The following PGCKA1 variants were observed in gnomAD, a reference collection of about 807,000 sequenced individuals.
PGCKA1 encodes PDCD10 and GCKIII kinases-associated protein 1.
the PGCKA1 span, among the ~76,000 whole-genome samples, chr4:37,480,850 G>C: frequency 6.6e-6 from 1 of 152,234 alleles, no homozygotes; most frequent in African/African-American, 2.4e-5. Flanking sequence ...TTAGCCATTA[G>C]GCTGATGCCT....
At chr4:37,575,704 T>C in the PGCKA1 span, among the ~76,000 whole-genome samples, 2 of 152,114 alleles carry the variant, frequency 1.3e-5, no homozygotes, top group African/African-American at 4.8e-5. Flanking sequence ...CTTTCCCTTG[T>C]CTTCTTGTAG....
chr4:37,468,579 A>AGCT, the PGCKA1 span, among the ~76,000 whole-genome samples: 1 of 152,168 alleles, frequency 6.6e-6, no homozygotes, highest in Non-Finnish European at 1.5e-5. Flanking sequence ...CGTCTAAATG[A>AGCT]GCTGCTATCT....
chr4:37,472,536 A>T, the PGCKA1 span, among the ~76,000 whole-genome samples: 2 of 152,228 alleles, frequency 1.3e-5, no homozygotes, highest in Non-Finnish European at 2.9e-5. Context: ...AGAGTTCTTG[A>T]GTAATTGCTG....
At chr4:37,575,960 T>C in the PGCKA1 span, among the ~76,000 whole-genome samples, 1 of 152,162 alleles carries the variant, frequency 6.6e-6, no homozygotes, top group Admixed American at 6.5e-5. Context: ...TATATGTCTA[T>C]GTTTTTATGC....
chr4:37,574,801 C>G, the PGCKA1 span, among the ~76,000 whole-genome samples: 8 of 152,076 alleles, frequency 5.3e-5, no homozygotes, highest in East Asian at 1.5e-3. Flanking sequence ...TATCTACTCT[C>G]TATCTCCTGA....
chr4:37,558,785 G>A, the PGCKA1 span, among the ~76,000 whole-genome samples: 1,082 of 107,564 alleles, frequency 0.01, 136 homozygotes, highest in Middle Eastern at 0.021. Flanking sequence ...GTGGGCGAAG[G>A]ACATGAACAG....
At chr4:37,582,489 CAAG>C in the PGCKA1 span, among the ~76,000 whole-genome samples, 1 of 152,200 alleles carries the variant, frequency 6.6e-6, no homozygotes, top group Non-Finnish European at 1.5e-5. Flanking sequence ...GACCTTTTAG[CAAG>C]AAGGACATGC....
At chr4:37,478,590 C>T in the PGCKA1 span, among the ~76,000 whole-genome samples, 32,341 of 152,134 alleles carry the variant, frequency 0.21, 4,435 homozygotes, top group Non-Finnish European at 0.31. Flanking sequence ...AGACTCTTTA[C>T]GCTTCTGTTT....
the PGCKA1 span, among the ~76,000 whole-genome samples, chr4:37,496,799 T>C: frequency 6.6e-6 from 1 of 152,190 alleles, no homozygotes; most frequent in East Asian, 1.9e-4. Flanking sequence ...GTTTTCATTG[T>C]AGAGATCTTT....
chr4:37,499,205 ATGC>A, the PGCKA1 span, among the ~76,000 whole-genome samples: 1 of 152,170 alleles, frequency 6.6e-6, no homozygotes, highest in African/African-American at 2.4e-5. Flanking sequence ...GCTTTTTGCT[ATGC>A]TGCTGGATTG....
the PGCKA1 span, among the ~76,000 whole-genome samples, chr4:37,483,186 A>G: frequency 6.6e-6 from 1 of 152,116 alleles, no homozygotes; most frequent in Admixed American, 6.5e-5. Flanking sequence ...CTTCTTCCTG[A>G]CACCATGTGA....
chr4:37,539,224 G>C, the PGCKA1 span, among the ~76,000 whole-genome samples: 22,707 of 152,130 alleles, frequency 0.15, 2,010 homozygotes, highest in Non-Finnish European at 0.2. Context: ...TTAAAAGGAG[G>C]ATGTTACGTG....
At chr4:37,548,593 G>A in the PGCKA1 span, among the ~76,000 whole-genome samples, 2 of 151,900 alleles carry the variant, frequency 1.3e-5, no homozygotes, top group Non-Finnish European at 2.9e-5. Context: ...ATGAAAAATT[G>A]GATAAATATG....
the PGCKA1 span, among the ~76,000 whole-genome samples, chr4:37,540,112 T>G: frequency 6.6e-6 from 1 of 152,222 alleles, no homozygotes; most frequent in Non-Finnish European, 1.5e-5. Flanking sequence ...TTGAAAAAAT[T>G]TGCATACATA....
the PGCKA1 span, among the ~76,000 whole-genome samples, chr4:37,562,190 G>T: frequency 6.6e-6 from 1 of 152,148 alleles, no homozygotes; most frequent in South Asian, 2.1e-4. Flanking sequence ...GGCCACACAA[G>T]CACCATGAGT....
the PGCKA1 span, among the ~76,000 whole-genome samples, chr4:37,480,887 G>A: frequency 6.6e-6 from 1 of 152,226 alleles, no homozygotes; most frequent in African/African-American, 2.4e-5. Context: ...TTTTTATTAA[G>A]GTGAACTTTA....
At chr4:37,464,179 C>T in the PGCKA1 span, among the ~76,000 whole-genome samples, 1 of 152,284 alleles carries the variant, frequency 6.6e-6, no homozygotes, top group East Asian at 1.9e-4. Flanking sequence ...TTTCTTCCAT[C>T]ACTAAGCCAT....
At chr4:37,458,404 G>A in the PGCKA1 span, among the ~76,000 whole-genome samples, 2 of 151,188 alleles carry the variant, frequency 1.3e-5, no homozygotes, top group Non-Finnish European at 2.9e-5. Context: ...ACACGTAATG[G>A]CTTAAAATAA....
chr4:37,500,969 G>T, the PGCKA1 span, among the ~76,000 whole-genome samples: 1 of 152,120 alleles, frequency 6.6e-6, no homozygotes, highest in Admixed American at 6.5e-5. Context: ...TTGCTTGGTA[G>T]ATTTTTCTCC....
Sources: gnomAD v4.1 joint callset for allele counts (sites outside exome capture counted in the v4.1 genomes callset) on GRCh38, gnomAD v4.1.1 for gene constraint, MANE v1.5 for transcripts, NCBI Gene and HGNC (gene_info 2026-07-23, HGNC 2026-07-21) for gene names.